The following ADGRL2 variants were observed in gnomAD, a reference collection of about 807,000 sequenced individuals.
The protein encoded by ADGRL2 is calcium-independent alpha-latrotoxin receptor 2.
ADGRL2 carries 44 observed loss-of-function variants against 157.4 expected under a neutral mutation model. The ratio of observed to expected loss-of-function variants is 0.28; its 90% CI spans 0.22 to 0.36. The LOEUF (loss-of-function observed/expected upper bound fraction) is 0.36. ADGRL2 is among the 10% of genes least tolerant of loss of function. ADGRL2 has a pLI of 1.00. For synonymous variants in ADGRL2, 585 were observed against 624.7 expected (o/e 0.94, Z 0.95); for missense variants, 1,510 against 1,768.9 (o/e 0.85, Z 2.63).
rs756734698 is a variant in ADGRL2, at chr1:81,907,150, C to G, written c.207C>G (p.Asp69Glu). 1.2e-6 allele frequency: 2 copies of G among 1,613,944 alleles called. No individual in the cohort carries two copies. Among genetic ancestry groups the G allele is most frequent in the African/African-American group, 1.3e-5 (1 of 74,900 alleles). ...GCGCTAACTATGGTCGGACGGATGA[C>G]AAGATTTGTGATGCTGACCCATTTC... is the stretch of plus-strand genomic sequence containing the variant. The part of the protein sequence containing the change: ...IESANYGRTD[D>E]KICDADPFQM... Residue 69 changes from aspartate (D) to glutamate (E), a missense_variant, in exon 3 of 24, where the codon GAC (aspartate) becomes GAG (glutamate). Asp to Glu is a conservative substitution (Grantham distance 45). This residue lies in a region of ADGRL2 where 361 missense variants were observed against 498.4 expected (regional missense o/e 0.72). Transcript: ENST00000686636.
chr1:81,839,498 C>T (rs2092447505), intron 2 of ADGRL2, among the ~76,000 whole-genome samples: 2 of 151,858 alleles, frequency 1.3e-5, no homozygotes, highest in Non-Finnish European at 2.9e-5. Context: ...GTATACACTG[C>T]ACCATATATG....
chr1:81,518,272 T>C (rs2079228089), intron 2 of ADGRL2, among the ~76,000 whole-genome samples: 1 of 152,132 alleles, frequency 6.6e-6, no homozygotes, highest in African/African-American at 2.4e-5. Context: ...GTCCTGGGAG[T>C]AGATCTGATT....
intron 1 of ADGRL2, among the ~76,000 whole-genome samples, chr1:81,389,490 T>G (rs1234978366): frequency 6.6e-6 from 1 of 152,130 alleles, no homozygotes; most frequent in Non-Finnish European, 1.5e-5. Context: ...AAGTTAACAA[T>G]AGCATAGAAA....
intron 1 of ADGRL2, among the ~76,000 whole-genome samples, chr1:81,364,068 G>C (rs1180610286): frequency 1.3e-5 from 2 of 152,040 alleles, no homozygotes; most frequent in African/African-American, 4.8e-5. Flanking sequence ...TAATAGTAAA[G>C]GATTTAAGTC....
At chr1:81,526,552 T>C (rs2079461163) in intron 2 of ADGRL2, among the ~76,000 whole-genome samples, 2 of 152,348 alleles carry the variant, frequency 1.3e-5, no homozygotes, top group South Asian at 4.1e-4. Flanking sequence ...GAAATTACTT[T>C]GAATGTAGAG....
intron 11 of ADGRL2, among the ~76,000 whole-genome samples, chr1:81,964,250 T>A (rs1317694117): frequency 1.3e-5 from 2 of 152,098 alleles, no homozygotes; most frequent in Non-Finnish European, 2.9e-5. Flanking sequence ...TACATGTATA[T>A]CTATGTTTGG....
At chr1:81,942,326 T>C (rs1648337341) in intron 5 of ADGRL2, among the ~76,000 whole-genome samples, 3 of 151,894 alleles carry the variant, frequency 2.0e-5, no homozygotes, top group Non-Finnish European at 2.9e-5. Flanking sequence ...TTTCTTATAA[T>C]TAAAGTGTCA....
intron 13 of ADGRL2, among the ~76,000 whole-genome samples, chr1:81,967,261 C>G (rs531450124): frequency 7.7e-5 from 10 of 129,444 alleles, no homozygotes; most frequent in African/African-American, 2.2e-4. Context: ...AGTTGATTGA[C>G]TCTTTTTTTT....
At position 81,986,996 on chromosome 1, in the gene ADGRL2, A is replaced by G; in HGVS notation, c.3604A>G (p.Asn1202Asp). The G allele has an allele frequency of 6.2e-7, 1 of 1,611,784 alleles. No homozygotes were observed. The highest frequency in any genetic ancestry group is 1.1e-5 in the South Asian group (1 of 91,004). ...ATTGCTCGCTGAAACAGTTGTATGT[A>G]ATGCCCCTTCAGCTCCTGTATTTAA... The part of the protein sequence containing the change: ...NTLLAETVVC[N>D]APSAPVFNSP... Residue 1202 changes from asparagine to aspartate, a missense_variant, in exon 22 of 24, where the codon AAT becomes GAT. Asn to Asp is a conservative substitution (Grantham distance 23, BLOSUM62 1). Coordinates refer to ENST00000686636, the MANE Select transcript of ADGRL2 (RefSeq NM_001366006.2).
intron 2 of ADGRL2, among the ~76,000 whole-genome samples, chr1:81,784,433 T>C (rs906523545): frequency 3.9e-5 from 6 of 152,126 alleles, no homozygotes; most frequent in African/African-American, 1.4e-4. Context: ...TGAATAGTAC[T>C]GATTGTAGCC....
chr1:81,571,300 G>A (rs1320557430), intron 2 of ADGRL2, among the ~76,000 whole-genome samples: 1 of 149,754 alleles, frequency 6.7e-6, no homozygotes, highest in Non-Finnish European at 1.5e-5. Flanking sequence ...ATGTAGCCTG[G>A]GTGACAGAGC....
chr1:81,602,028 C>T (rs1440323835), intron 3 of ADGRL2, among the ~76,000 whole-genome samples: 1 of 152,146 alleles, frequency 6.6e-6, no homozygotes, highest in East Asian at 1.9e-4. Context: ...AATTTTAATT[C>T]CAATCTACAA....
intron 2 of ADGRL2, among the ~76,000 whole-genome samples, chr1:81,865,048 G>A (rs2093498795): frequency 6.6e-6 from 1 of 152,094 alleles, no homozygotes. Flanking sequence ...CCACTTTGTA[G>A]GTAGCAGATT....
chr1:81,388,388 A>T (rs949232665), intron 1 of ADGRL2, among the ~76,000 whole-genome samples: 13 of 152,220 alleles, frequency 8.5e-5, no homozygotes, highest in Non-Finnish European at 7.3e-5. Context: ...TCCCTGGGCC[A>T]CCAAAACAAT....
chr1:81,387,446 G>T (rs1052446542), intron 1 of ADGRL2, among the ~76,000 whole-genome samples: 3 of 151,920 alleles, frequency 2.0e-5, no homozygotes, highest in African/African-American at 7.3e-5. Flanking sequence ...AACCAAAAAG[G>T]CAGGTTGTAT....
chr1:81,571,145 T>G (rs2080679921), intron 2 of ADGRL2, among the ~76,000 whole-genome samples: 1 of 151,696 alleles, frequency 6.6e-6, no homozygotes, highest in South Asian at 2.1e-4. Context: ...GCCAAAGTGG[T>G]GAAACCCTGT....
At chr1:81,732,969 T>G (rs771170664) in intron 1 of ADGRL2, among the ~76,000 whole-genome samples, 32 of 152,238 alleles carry the variant, frequency 2.1e-4, no homozygotes, top group Non-Finnish European at 4.1e-4. Flanking sequence ...CCTCTATGCC[T>G]TCTATGTTTT....
intron 3 of ADGRL2, among the ~76,000 whole-genome samples, chr1:81,652,871 G>A (rs2082450160): frequency 1.3e-5 from 2 of 152,168 alleles, no homozygotes; most frequent in Admixed American, 6.5e-5. Context: ...GCTTAGTTTT[G>A]CCAGTTTTGA....
intron 2 of ADGRL2, among the ~76,000 whole-genome samples, chr1:81,546,016 A>T (rs1162041337): frequency 6.6e-6 from 1 of 152,180 alleles, no homozygotes; most frequent in East Asian, 1.9e-4. Context: ...TGCGGGGGGA[A>T]GGGAATAGCT....
Sources: allele counts gnomAD v4.1 joint callset (sites outside exome capture counted in the v4.1 genomes callset), GRCh38; gene constraint gnomAD v4.1.1; regional missense constraint gnomAD v4.1.1; transcripts MANE v1.5; gene names NCBI Gene and HGNC (gene_info 2026-07-23, HGNC 2026-07-21).